The following RPL23A variants were observed in gnomAD, a reference collection of about 807,000 sequenced individuals.
The protein encoded by RPL23A is large ribosomal subunit protein uL23.
A neutral mutation model predicts 17.6 loss-of-function variants in RPL23A; 2 were observed. That is an observed-to-expected ratio of 0.11 (90% CI 0.05 to 0.36). The LOEUF is 0.36. Among genes scored for constraint, RPL23A ranks in the 10% least tolerant of loss-of-function variants. RPL23A has a pLI of 1.00. For synonymous variants in RPL23A, 65 were observed against 74.3 expected, an observed-to-expected ratio of 0.87 and a Z score of 0.65; for missense variants, 132 against 194.4, an observed-to-expected ratio of 0.68 and a Z score of 1.91.
chr17:28,722,745 A>G lies in RPL23A; in HGVS notation c.232A>G (p.Lys78Glu). The change falls in exon 3 of 5, where the codon AAG becomes GAG. Residue 78 changes from lysine (K) to glutamate (E), a missense_variant. By Grantham distance (56) the Lys-to-Glu change is moderately conservative (BLOSUM62 1). This residue lies in a region of RPL23A where 69 missense variants were observed against 145.5 expected (regional missense o/e 0.47). Coordinates refer to ENST00000422514, the MANE Select transcript of RPL23A (RefSeq NM_000984.6). ...CAGGCTTGACCACTATGCTATCATC[A>G]AGTTTCCGCTGACCACTGAGTCTGC... ...RNKLDHYAII[K>E]FPLTTESAMK... is the part of the protein sequence containing the mutation. 2 of 1,614,090 alleles carry G rather than the reference A, an allele frequency of 1.2e-6. No homozygotes were observed. Among genetic ancestry groups the G allele is most frequent in the Non-Finnish European group, 1.7e-6 (2 of 1,179,988 alleles).
In RPL23A at chr17:28,722,659, T is replaced by G. The variant is rs2034137773; in HGVS notation, c.210-64T>G. 5.9e-6 allele frequency: 8 copies of G among 1,350,844 alleles called. No homozygotes were observed. In the African/African-American group the frequency reaches 8.6e-5, roughly 15 times the overall value. 83.7% of individuals were successfully genotyped at this position (1,350,844 alleles called of 1,614,324 possible). A position where few individuals can be genotyped will look rare whatever the true frequency, so the allele number is the denominator to read the frequency against. The stretch of plus-strand genomic sequence containing the variant: ...ACCTCGTTGTCTGATGCACCTAGGC[T>G]CTCCTGGCTCTGGGCTCCAAAAGAA... On this transcript the variant is annotated intron_variant, in intron 2 of 4. Coordinates refer to ENST00000422514, the MANE Select transcript of RPL23A (RefSeq NM_000984.6).
At chr17:28,722,538 A>G (rs1422803252) in intron 2 of RPL23A, 185 bp from the exon 3 acceptor site, 3 of 756,232 alleles carry the variant, frequency 4.0e-6, no homozygotes, top group African/African-American at 3.4e-5. Context: ...AAAATGCACA[A>G]CGTTCTGCCC....
At chr17:28,723,835 C>T in intron 4 of RPL23A, 32 bp from the exon 5 acceptor site, 7 of 1,598,400 alleles carry the variant, frequency 4.4e-6, no homozygotes, top group Middle Eastern at 1.7e-4. Flanking sequence ...CATATTTCAA[C>T]TCCAGTAACG....
intron 4 of RPL23A, 47 bp from the exon 5 acceptor site, chr17:28,723,820 A>T: frequency 6.4e-7 from 1 of 1,572,876 alleles, no homozygotes; most frequent in Non-Finnish European, 8.8e-7. Flanking sequence ...TTCCAGCTTA[A>T]TCTTCATATT....
intron 2 of RPL23A, chr17:28,722,461 G>A: frequency 1.7e-6 from 1 of 583,602 alleles, no homozygotes. Context: ...ACAGCCATGA[G>A]CCAGCACACC....
rs1457300415 is a variant in RPL23A, at chr17:28,723,934, A to G, written c.*53A>G. The G allele has an allele frequency of 1.6e-6, 2 of 1,277,670 alleles. No homozygotes were observed. Among genetic ancestry groups the G allele is most frequent in the African/African-American group, 1.5e-5 (1 of 65,420 alleles). The allele number at this position is 1,277,670 out of a possible 1,614,324, so 79.1% of individuals were successfully genotyped here. ...ATATATATATATATATCTTTTCACC[A>G]TATACATGCCTGTCTGTCAATTTCT... is the stretch of plus-strand genomic sequence containing the variant. On this transcript the variant is annotated 3_prime_UTR_variant, in exon 5 of 5. Coordinates refer to ENST00000422514, the MANE Select transcript of RPL23A (RefSeq NM_000984.6).
intron 2 of RPL23A, chr17:28,722,274 C>T (rs2151724654): frequency 4.0e-6 from 1 of 249,856 alleles, no homozygotes; most frequent in Non-Finnish European, 8.2e-6. Context: ...GGAATTTGCC[C>T]CTGGCCCGAT....
In RPL23A at chr17:28,723,928, T is replaced by A. The variant is rs2034164236; in HGVS notation, c.*47T>A. 2 of 1,310,938 alleles carry A rather than the reference T, an allele frequency of 1.5e-6. No homozygotes were observed. The highest frequency in any genetic ancestry group is 2.1e-6 in the Non-Finnish European group (2 of 945,398). The allele number at this position is 1,310,938 out of a possible 1,614,324, so 81.2% of individuals were successfully genotyped here. A position where few individuals can be genotyped will look rare whatever the true frequency, so the allele number is the denominator to read the frequency against. ...CTGAATATATATATATATATATCTT[T>A]TCACCATATACATGCCTGTCTGTCA... On this transcript the variant is annotated 3_prime_UTR_variant, in exon 5 of 5. Coordinates refer to ENST00000422514, the MANE Select transcript of RPL23A (RefSeq NM_000984.6).
At position 28,722,772 on chromosome 17, in the gene RPL23A, A is replaced by G. The variant is rs1365680074; in HGVS notation, c.259A>G (p.Met87Val). The G allele has an allele frequency of 6.2e-7, 1 of 1,613,890 alleles. No homozygotes were observed. The highest frequency in any genetic ancestry group is 8.5e-7 in the Non-Finnish European group (1 of 1,179,894). ...IKFPLTTESA[M>V]KKIEDNNTLV... is the part of the protein sequence containing the mutation. ...GTTTCCGCTGACCACTGAGTCTGCC[A>G]TGAAGAAGATAGAAGACAACAACAC... Residue 87 changes from methionine to valine, a missense_variant, in exon 3 of 5, where the codon ATG becomes GTG. Physicochemically the swap from Met to Val is conservative, Grantham distance 21. Coordinates refer to ENST00000422514, the MANE Select transcript of RPL23A (RefSeq NM_000984.6).
chr17:28,723,338 G>C lies in RPL23A; in HGVS notation c.387-233G>C, dbSNP rs1449147835. 4 of 725,846 alleles carry C rather than the reference G, an allele frequency of 5.5e-6. No homozygotes were observed. In the Admixed American group the frequency reaches 7.1e-5, roughly 13 times the overall value. 45.0% of individuals were successfully genotyped at this position (725,846 alleles called of 1,614,324 possible). ...CTATTGGGAAAGGCAACTAGAGTGCGACACGTGGCAGATTACCTTGGTTTA... is the reference window on the plus strand; with the variant it reads ...CTATTGGGAAAGGCAACTAGAGTGCCACACGTGGCAGATTACCTTGGTTTA... On this transcript the variant is annotated intron_variant, in intron 3 of 4. Transcript: ENST00000422514.
At position 28,720,856 on chromosome 17, in the gene RPL23A, A is replaced by G; in HGVS notation, c.175A>G (p.Lys59Glu). Residue 59 changes from lysine to glutamate, a missense_variant, in exon 2 of 5, where the codon AAA becomes GAA. By Grantham distance (56) the Lys-to-Glu change is moderately conservative. This residue lies in a region of RPL23A where 69 missense variants were observed against 145.5 expected (regional missense o/e 0.47). Coordinates refer to ENST00000422514, the MANE Select transcript of RPL23A (RefSeq NM_000984.6). ...PKTLRLRRQP[K>E]YPRKSAPRRN... ...GACACTGCGACTCCGGAGACAGCCCAAATATCCTCGGAAGAGCGCTCCCAG... is the reference window on the plus strand; with the variant it reads ...GACACTGCGACTCCGGAGACAGCCCGAATATCCTCGGAAGAGCGCTCCCAG... The G allele has an allele frequency of 6.2e-7, 1 of 1,614,112 alleles. No individual in the cohort carries two copies. Among genetic ancestry groups the G allele is most frequent in the East Asian group, 2.2e-5 (1 of 44,884 alleles).
intron 2 of RPL23A, chr17:28,722,446 G>A: frequency 1.9e-6 from 1 of 537,272 alleles, no homozygotes. Flanking sequence ...CAAAGTGCTG[G>A]GAATACAGCC....
intron 3 of RPL23A, 194 bp from the exon 4 acceptor site, chr17:28,723,377 C>T: frequency 1.3e-6 from 1 of 761,884 alleles, no homozygotes; most frequent in South Asian, 1.4e-5. Flanking sequence ...CTTAATGTGG[C>T]CTGTGGTGTT....
chr17:28,722,660 C>A, intron 2 of RPL23A, 63 bp from the exon 3 acceptor site: 1 of 1,389,826 alleles, frequency 7.2e-7, no homozygotes, highest in Non-Finnish European at 1.0e-6. Flanking sequence ...CACCTAGGCT[C>A]TCCTGGCTCT....
chr17:28,724,339 G>A lies in RPL23A; in HGVS notation c.*458G>A, dbSNP rs755689539. 3.7e-4 allele frequency: 329 copies of A among 888,392 alleles called. No homozygotes were observed. Among genetic ancestry groups the A allele is most frequent in the Non-Finnish European group, 5.4e-4 (314 of 576,952 alleles). The allele number at this position is 888,392 out of a possible 1,614,324, so 55.0% of individuals were successfully genotyped here. ...TTCCCTCACCCCTTGCCCAATAAAG[G>A]ACAAGGACTTCAGAGGAGTACTTTC... On this transcript the variant is annotated 3_prime_UTR_variant, in exon 5 of 5. Transcript: ENST00000422514.
chr17:28,722,635 C>A, intron 2 of RPL23A, 88 bp from the exon 3 acceptor site: 1 of 1,064,634 alleles, frequency 9.4e-7, no homozygotes, highest in Non-Finnish European at 1.5e-6. Flanking sequence ...GTGATTGGTA[C>A]CTCGTTGTCT....
rs1242762520 is a variant in RPL23A, at chr17:28,721,042, T to G, written c.209+152T>G. The G allele has an allele frequency of 4.1e-6, 3 of 724,808 alleles. No individual in the cohort carries two copies. In the African/African-American group the frequency reaches 5.4e-5, roughly 13 times the overall value. The allele number at this position is 724,808 out of a possible 1,614,324, so 44.9% of individuals were successfully genotyped here. A position where few individuals can be genotyped will look rare whatever the true frequency, so the allele number is the denominator to read the frequency against. ...GTATGAGGAGATTGTTTCTGCTGCATTTACAAAACTGGCAGGATCAGCCCA... is the reference window on the plus strand; with the variant it reads ...GTATGAGGAGATTGTTTCTGCTGCAGTTACAAAACTGGCAGGATCAGCCCA... On this transcript the variant is annotated intron_variant, in intron 2 of 4. Transcript: ENST00000422514.
chr17:28,720,704 C>A lies in RPL23A; in HGVS notation c.26-3C>A. The A allele has an allele frequency of 6.2e-7, 1 of 1,614,080 alleles. No individual in the cohort carries two copies. The highest frequency in any genetic ancestry group is 8.5e-7 in the Non-Finnish European group (1 of 1,179,972). On this transcript the variant is annotated splice_polypyrimidine_tract_variant and splice_region_variant and intron_variant, in intron 1 of 4. Coordinates refer to ENST00000422514, the MANE Select transcript of RPL23A (RefSeq NM_000984.6). Reference sequence around the variant, plus strand: ...ACCCACGTTTTCTTTCCTTTTCTCCCAGCTCCTGCCCCTCCTAAAGCTGAA... The same window carrying A: ...ACCCACGTTTTCTTTCCTTTTCTCCAAGCTCCTGCCCCTCCTAAAGCTGAA...
rs147254826 is a variant in RPL23A at position 28,720,231 on chromosome 17, G to A, written c.25+201G>A. ...GAGTTCCGGTAGAGGGAGTTGGGGG[G>A]GGGCAACGCGGCAGGCATCATCCGC... On this transcript the variant is annotated intron_variant, in intron 1 of 4. Coordinates refer to ENST00000422514, the MANE Select transcript of RPL23A (RefSeq NM_000984.6). 1.3e-4 allele frequency: 205 copies of A among 1,539,132 alleles called. No individual in the cohort carries two copies. In the African/African-American group the frequency reaches 1.8e-3, roughly 14 times the overall value.
Sources: allele counts gnomAD v4.1 joint callset, GRCh38; gene constraint gnomAD v4.1.1; regional missense constraint gnomAD v4.1.1; transcripts MANE v1.5; gene names NCBI Gene and HGNC (gene_info 2026-07-23, HGNC 2026-07-21).